The following UACA variants were observed in gnomAD, a reference collection of about 807,000 sequenced individuals.
UACA encodes nuclear membrane binding protein.
In UACA, 112 loss-of-function variants were observed where a neutral mutation model predicts 160.5. The observed-to-expected ratio is 0.70, with a 90% CI of 0.60 to 0.82. The LOEUF (loss-of-function observed/expected upper bound fraction) is 0.82, where lower values mean the gene tolerates loss of function less well. Among genes scored for constraint, UACA ranks in the 40% least tolerant of loss-of-function variants. The probability of loss-of-function intolerance (pLI) is 0.00; values close to 1 mark genes in which losing one functional copy is unlikely to be tolerated. For missense variants in UACA, 1,574 were observed against 1,614.6 expected (o/e 0.97, Z 0.43); for synonymous variants, 557 against 568.4 (o/e 0.98, Z 0.29).
At chr15:70,744,248 C>CAAA (rs5813608) in intron 1 of UACA, among the ~76,000 whole-genome samples, 8,460 of 64,450 alleles carry the variant, frequency 0.13, 636 homozygotes, top group African/African-American at 0.25. Context: ...GACTCTGTCT[C>CAAA]AAAAAAAAAA....
At chr15:70,710,141 A>G (rs1257468446) in intron 1 of UACA, among the ~76,000 whole-genome samples, 1 of 152,058 alleles carries the variant, frequency 6.6e-6, no homozygotes, top group East Asian at 1.9e-4. Flanking sequence ...TCTAGTCCCA[A>G]CTATTTGGGA....
intron 1 of UACA, among the ~76,000 whole-genome samples, chr15:70,759,460 A>T (rs1180194755): frequency 6.6e-6 from 1 of 152,248 alleles, no homozygotes; most frequent in East Asian, 1.9e-4. Flanking sequence ...GTTTGAGAAC[A>T]GCCTGGCCAA....
rs145577362 is a variant in UACA at position 70,717,170 on chromosome 15, G to A, written c.79-17510C>T. 8.9e-3 allele frequency among the ~76,000 whole-genome samples: 1,344 copies of A among 150,942 alleles called. 15 individuals carry two copies. The highest frequency in any genetic ancestry group is 0.031 in the African/African-American group (1,291 of 41,026). ...CAGGAGGCGGAGGTTGCGGTGAGCC[G>A]AGATCACACTATTGCACTCCAACCT... On this transcript the variant is annotated intron_variant, in intron 1 of 18. Transcript: ENST00000322954.
At chr15:70,673,447 A>G (rs1161323774) in intron 13 of UACA, among the ~76,000 whole-genome samples, 2 of 152,186 alleles carry the variant, frequency 1.3e-5, no homozygotes, top group Non-Finnish European at 2.9e-5. Flanking sequence ...AATTAATGCC[A>G]CCTCCATTAA....
chr15:70,777,694 T>C, the UACA span, among the ~76,000 whole-genome samples: 2 of 152,310 alleles, frequency 1.3e-5, no homozygotes, highest in East Asian at 1.9e-4. Flanking sequence ...ATTGGTAACC[T>C]GGACCACGGG....
intron 15 of UACA, among the ~76,000 whole-genome samples, chr15:70,670,700 A>G (rs552102719): frequency 6.6e-6 from 1 of 152,180 alleles, no homozygotes; most frequent in African/African-American, 2.4e-5. Flanking sequence ...AAAAAATTAT[A>G]TTTTGGATTA....
intron 2 of UACA, among the ~76,000 whole-genome samples, chr15:70,697,955 C>A (rs1394041627): frequency 6.6e-6 from 1 of 152,082 alleles, no homozygotes; most frequent in Non-Finnish European, 1.5e-5. Context: ...GAGGCTGAGG[C>A]AGGAGAATCG....
At chr15:70,725,017 A>G (rs1899102963) in intron 1 of UACA, among the ~76,000 whole-genome samples, 1 of 152,020 alleles carries the variant, frequency 6.6e-6, no homozygotes, top group Admixed American at 6.6e-5. Flanking sequence ...ACTTAAGCAA[A>G]GGAGGTTAAG....
At chr15:70,738,952 A>C (rs1485296132) in intron 1 of UACA, among the ~76,000 whole-genome samples, 1 of 152,242 alleles carries the variant, frequency 6.6e-6, no homozygotes, top group Non-Finnish European at 1.5e-5. Context: ...GCTTGTTCCC[A>C]AGAAAGAATG....
chr15:70,772,702 C>T, the UACA span, among the ~76,000 whole-genome samples: 7 of 152,034 alleles, frequency 4.6e-5, no homozygotes, highest in Admixed American at 1.3e-4. Context: ...AAGTTATGGC[C>T]AAATAAATGT....
At chr15:70,763,136 G>T (rs1207546814) in intron 1 of UACA, among the ~76,000 whole-genome samples, 194 bp downstream of exon 1, 2 of 152,208 alleles carry the variant, frequency 1.3e-5, no homozygotes, top group Non-Finnish European at 2.9e-5. Context: ...GTAGAGGCTC[G>T]GGTGCGGCGG....
intron 1 of UACA, among the ~76,000 whole-genome samples, chr15:70,738,316 T>C (rs754497408): frequency 1.3e-5 from 2 of 151,834 alleles, no homozygotes; most frequent in Non-Finnish European, 2.9e-5. Context: ...TCCACACAGT[T>C]GTCAGAATAT....
At chr15:70,684,244 G>C (rs1897622185) in intron 8 of UACA, 21 bp downstream of exon 8, 1 of 1,572,744 alleles carries the variant, frequency 6.4e-7, no homozygotes, top group Non-Finnish European at 8.6e-7. Context: ...GACTTTTCTA[G>C]TTACAGAAAA....
rs565377949 is a variant in UACA, at chr15:70,700,318, T to TATATATATATATATATATATACACACAC, written c.79-659_79-658insGTGTGTGTATATATATATATATATATAT. On this transcript the variant is annotated intron_variant, in intron 1 of 18. Transcript: ENST00000322954. Reference sequence around the variant, plus strand: ...GGCAAATTGTATATATATATATATATACACACACACACACACACACACATT... The same window carrying TATATATATATATATATATATACACACAC: ...GGCAAATTGTATATATATATATATATATATATATATATATATATATACACACACACACACACACACACACACACACATT... 2.5e-3 allele frequency among the ~76,000 whole-genome samples: 348 copies of TATATATATATATATATATATACACACAC among 139,634 alleles called. 1 individual carries two copies. The highest frequency in any genetic ancestry group is 9.5e-3 in the African/African-American group (326 of 34,184). 91.6% of individuals were successfully genotyped at this position (139,634 alleles called of 152,430 possible). A position where few individuals can be genotyped will look rare whatever the true frequency, so the allele number is the denominator to read the frequency against.
chr15:70,690,530 C>G lies in UACA; in HGVS notation c.367-19G>C. 6.2e-7 allele frequency: 1 copy of G among 1,601,322 alleles called. No individual in the cohort carries two copies. Among genetic ancestry groups the G allele is most frequent in the South Asian group, 1.1e-5 (1 of 89,068 alleles). On this transcript the variant is annotated intron_variant, in intron 4 of 18. Transcript: ENST00000322954. ...AATTGTACTGTTAAAGTAAAGAAAA[C>G]TTAGTAAAGTAGGAGAGTTTTATTT...
chr15:70,759,354 G>A (rs527294247), intron 1 of UACA, among the ~76,000 whole-genome samples: 1 of 152,298 alleles, frequency 6.6e-6, no homozygotes, highest in East Asian at 1.9e-4. Context: ...CTTAGTAAGT[G>A]ATTAAAAATA....
chr15:70,740,451 TAA>T (rs10710615), intron 1 of UACA, among the ~76,000 whole-genome samples: 308 of 144,700 alleles, frequency 2.1e-3, no homozygotes, highest in Middle Eastern at 7.1e-3. Flanking sequence ...TTGTCTCTAT[TAA>T]AAAAAAAAAA....
intron 1 of UACA, among the ~76,000 whole-genome samples, chr15:70,700,487 C>T (rs571586076): frequency 6.6e-6 from 1 of 151,688 alleles, no homozygotes; most frequent in East Asian, 1.9e-4. Context: ...CATTTTCTCC[C>T]TTTTTACATT....
At chr15:70,736,184 G>C (rs1361256761) in intron 1 of UACA, among the ~76,000 whole-genome samples, 1 of 152,120 alleles carries the variant, frequency 6.6e-6, no homozygotes, top group Non-Finnish European at 1.5e-5. Context: ...TCATGTTTTA[G>C]AAATAGTAAC....
Sources: allele counts gnomAD v4.1 joint callset (sites outside exome capture counted in the v4.1 genomes callset), GRCh38; gene constraint gnomAD v4.1.1; transcripts MANE v1.5; gene names NCBI Gene and HGNC (gene_info 2026-07-23, HGNC 2026-07-21).